The following BEND7 variants were observed in gnomAD, a reference collection of about 807,000 sequenced individuals.
BEND7 encodes the protein BEN domain-containing protein 7.
BEND7 carries 28 observed loss-of-function variants against 50.9 expected under a neutral mutation model. The observed-to-expected ratio is 0.55, with a 90% CI of 0.41 to 0.75. The LOEUF (loss-of-function observed/expected upper bound fraction) is 0.75, where lower values mean the gene tolerates loss of function less well. BEND7 is among the 30% of genes least tolerant of loss of function. The pLI is 0.00. For missense variants in BEND7, 477 were observed against 491.3 expected (o/e 0.97, Z 0.28); for synonymous variants, 170 against 183.9 (o/e 0.92, Z 0.61).
chr10:13,528,438 C>G, intron 1 of BEND7, 35 bp downstream of exon 1: 1 of 988,520 alleles, frequency 1.0e-6, no homozygotes, highest in Non-Finnish European at 1.2e-6. Flanking sequence ...GCGCGGCGCC[C>G]GCTGCCTGCC....
intron 6 of BEND7, among the ~76,000 whole-genome samples, chr10:13,457,247 A>G (rs1839182796): frequency 6.6e-6 from 1 of 152,230 alleles, no homozygotes; most frequent in Non-Finnish European, 1.5e-5. Flanking sequence ...ACGTGTGCGG[A>G]CAAGCCAGTT....
At chr10:13,439,858 G>A (rs1420595157), downstream of BEND7, among the ~76,000 whole-genome samples, 1 of 152,224 alleles carries the variant, frequency 6.6e-6, no homozygotes, top group Non-Finnish European at 1.5e-5. Flanking sequence ...CGCCGTCCCA[G>A]CCCCTCGGCA....
At chr10:13,505,005 C>T (rs1021471206) in intron 2 of BEND7, among the ~76,000 whole-genome samples, 3 of 152,192 alleles carry the variant, frequency 2.0e-5, no homozygotes, top group Admixed American at 6.5e-5. Flanking sequence ...GGGAAGGATC[C>T]ACTACGTGGA....
chr10:13,447,133 C>T (rs1004236585), intron 8 of BEND7, 133 bp downstream of exon 8: 38 of 855,612 alleles, frequency 4.4e-5, no homozygotes, highest in Admixed American at 1.7e-4. Context: ...GCTCCAATGA[C>T]GGGGCCTGGT....
intron 2 of BEND7, among the ~76,000 whole-genome samples, chr10:13,507,437 A>G (rs868731450): frequency 6.6e-6 from 1 of 152,148 alleles, no homozygotes; most frequent in African/African-American, 2.4e-5. Context: ...TTACACTATC[A>G]TGTCCCGTTT....
intron 8 of BEND7, chr10:13,445,598 G>A (rs1836153289): frequency 6.6e-6 from 1 of 152,200 alleles, no homozygotes; most frequent in South Asian, 2.1e-4. Context: ...GAAGGGATTG[G>A]ACTAGAGGAT....
Position 13,526,226 on chromosome 10 carries a change from C to G in BEND7, c.62-5G>C. 1 of 1,283,732 alleles carries G rather than the reference C, an allele frequency of 7.8e-7. No homozygotes were observed. The allele number at this position is 1,283,732 out of a possible 1,614,324, so 79.5% of individuals were successfully genotyped here. On this transcript the variant is annotated splice_polypyrimidine_tract_variant and splice_region_variant and intron_variant, in intron 1 of 8. Transcript: ENST00000466271. ...TATACACCTCGTGGTGATAATCTGG[C>G]ATGAGAAAACAACCAAAAATTAGAA...
At chr10:13,446,540 T>G (rs1397607821) in intron 8 of BEND7, 2 of 152,092 alleles carry the variant, frequency 1.3e-5, no homozygotes, top group African/African-American at 2.4e-5. Flanking sequence ...GTCAGTAGAG[T>G]CCTGTGACCA....
intron 6 of BEND7, among the ~76,000 whole-genome samples, chr10:13,474,624 A>ACCGCTGTTGGACTTGGG (rs2075282675): frequency 6.6e-6 from 1 of 151,476 alleles, no homozygotes; most frequent in African/African-American, 2.4e-5. Flanking sequence ...GATACCCGTC[A>ACCGCTGTTGGACTTGGG]TCGCTGTTGG....
rs545779513 is a variant in BEND7 at position 13,453,408 on chromosome 10, A to T, written c.1064-750T>A. On this transcript the variant is annotated intron_variant, in intron 6 of 8. Coordinates refer to ENST00000466271, the MANE Select transcript of BEND7 (RefSeq NM_001369863.1). ...AGGTCAAGATCTGGTAGGCCATCAC[A>T]TCACACTGCCTCCTTGGTATTTAAA... Among the ~76,000 whole-genome samples the T allele has an allele frequency of 3.7e-4, 57 of 152,344 alleles. 1 individual carries two copies. The South Asian group carries it at 0.012, about 31-fold the overall frequency.
intron 2 of BEND7, among the ~76,000 whole-genome samples, chr10:13,524,846 T>C (rs1372204639): frequency 6.6e-6 from 1 of 152,148 alleles, no homozygotes; most frequent in Non-Finnish European, 1.5e-5. Context: ...GAAAGATCTA[T>C]GTGCTATCAA....
At chr10:13,492,063 C>T (rs1282923594) in intron 5 of BEND7, among the ~76,000 whole-genome samples, 2 of 151,896 alleles carry the variant, frequency 1.3e-5, no homozygotes, top group Non-Finnish European at 2.9e-5. Flanking sequence ...ACTGCGGCAA[C>T]ATTCTGGCTG....
At chr10:13,463,055 C>T (rs928801016) in intron 6 of BEND7, among the ~76,000 whole-genome samples, 3 of 152,212 alleles carry the variant, frequency 2.0e-5, no homozygotes, top group South Asian at 2.1e-4. Flanking sequence ...TCCTTTGTTC[C>T]GAGGAAAATT....
chr10:13,481,378 C>G (rs2895565), intron 5 of BEND7, among the ~76,000 whole-genome samples: 86,905 of 151,990 alleles, frequency 0.57, 25,119 homozygotes, highest in East Asian at 0.76. Context: ...CCAAGAGAAG[C>G]CTGGACAACC....
intron 2 of BEND7, among the ~76,000 whole-genome samples, chr10:13,506,868 G>A (rs952104460): frequency 6.6e-6 from 1 of 152,072 alleles, no homozygotes. Flanking sequence ...ATAACCCCAA[G>A]GTTTCCAGCT....
At chr10:13,483,821 C>CT (rs1341102747) in intron 5 of BEND7, among the ~76,000 whole-genome samples, 4 of 152,176 alleles carry the variant, frequency 2.6e-5, no homozygotes, top group East Asian at 3.9e-4. Context: ...GACTTGGCTG[C>CT]TGGGGGTACG....
In BEND7 at chr10:13,471,844, C is replaced by T. The variant is rs192454240; in HGVS notation, c.1063+9055G>A. ...GGCTGTTGTGTGTACAGTTGATACC[C>T]ACCATCCCCATCATCGCTATTAGAA... On this transcript the variant is annotated intron_variant, in intron 6 of 8. Coordinates refer to ENST00000466271, the MANE Select transcript of BEND7 (RefSeq NM_001369863.1). 2.9e-3 allele frequency among the ~76,000 whole-genome samples: 445 copies of T among 152,384 alleles called. 1 individual carries two copies. The highest frequency in any genetic ancestry group is 5.1e-3 in the Non-Finnish European group (347 of 68,036).
At chr10:13,517,953 C>T (rs1375166519) in intron 2 of BEND7, among the ~76,000 whole-genome samples, 2 of 152,174 alleles carry the variant, frequency 1.3e-5, no homozygotes, top group African/African-American at 2.4e-5. Flanking sequence ...AGACTTCCCG[C>T]GCCAACATCC....
At chr10:13,509,129 T>C (rs547418657) in intron 2 of BEND7, among the ~76,000 whole-genome samples, 1 of 152,232 alleles carries the variant, frequency 6.6e-6, no homozygotes, top group African/African-American at 2.4e-5. Context: ...CTTCTCAAAC[T>C]TTTCCCTCAA....
Sources: allele counts gnomAD v4.1 joint callset (sites outside exome capture counted in the v4.1 genomes callset), GRCh38; gene constraint gnomAD v4.1.1; transcripts MANE v1.5; gene names NCBI Gene and HGNC (gene_info 2026-07-23, HGNC 2026-07-21).